The following TMEM132B variants were observed in gnomAD, a reference collection of about 807,000 sequenced individuals.
The protein encoded by TMEM132B is transmembrane protein 132B.
Under a neutral mutation model 90.8 loss-of-function variants are expected in TMEM132B, and 18 were observed. The ratio of observed to expected loss-of-function variants is 0.20; its 90% CI spans 0.14 to 0.29. TMEM132B has a LOEUF of 0.29. Among genes scored for constraint, TMEM132B ranks in the 10% least tolerant of loss-of-function variants. The probability of loss-of-function intolerance (pLI) is 1.00; values close to 1 mark genes in which losing one functional copy is unlikely to be tolerated. For synonymous variants in TMEM132B, 504 were observed against 523.3 expected, an observed-to-expected ratio of 0.96 and a Z score of 0.50; for missense variants, 1,096 against 1,326.8, an observed-to-expected ratio of 0.83 and a Z score of 2.70.
chr12:125,372,117 C>T (rs1428851628), intron 2 of TMEM132B, among the ~76,000 whole-genome samples: 2 of 152,192 alleles, frequency 1.3e-5, no homozygotes, highest in Non-Finnish European at 2.9e-5. Context: ...GCAAGAAATT[C>T]AACATGTGCT....
intron 1 of TMEM132B, among the ~76,000 whole-genome samples, chr12:125,217,624 G>T (rs1873466814): frequency 6.6e-6 from 1 of 152,028 alleles, no homozygotes; most frequent in Non-Finnish European, 1.5e-5. Flanking sequence ...TTAAAACAAT[G>T]TTTTTTTATG....
chr12:125,621,901 C>T (rs548884491), intron 5 of TMEM132B, among the ~76,000 whole-genome samples: 5 of 152,244 alleles, frequency 3.3e-5, no homozygotes, highest in African/African-American at 4.8e-5. Context: ...CCCAAAGACA[C>T]GCTCTATTTG....
At chr12:125,464,103 G>T (rs1881505127) in intron 3 of TMEM132B, among the ~76,000 whole-genome samples, 1 of 152,116 alleles carries the variant, frequency 6.6e-6, no homozygotes, top group African/African-American at 2.4e-5. Flanking sequence ...ATGAGATTTT[G>T]GTGGGGACAC....
chr12:125,595,338 T>C (rs903282777), intron 5 of TMEM132B, among the ~76,000 whole-genome samples: 1 of 152,194 alleles, frequency 6.6e-6, no homozygotes, highest in Non-Finnish European at 1.5e-5. Context: ...TTAATGTCGC[T>C]GCTCATGGAA....
intron 2 of TMEM132B, among the ~76,000 whole-genome samples, chr12:125,359,578 G>A (rs751414583): frequency 7.9e-5 from 12 of 152,156 alleles, no homozygotes; most frequent in Non-Finnish European, 1.6e-4. Flanking sequence ...AAGACCATGA[G>A]CTTCCTAAAA....
chr12:125,346,766 C>T lies in TMEM132B; in HGVS notation c.68-2686C>T, dbSNP rs547148177. Among the ~76,000 whole-genome samples, 14 of 152,286 alleles carry T rather than the reference C, an allele frequency of 9.2e-5. No individual in the cohort carries two copies. The South Asian group carries it at 2.7e-3, about 29-fold the overall frequency. ...GTATGGACATCATTCTGGAGGAAAC[C>T]CAGGTCTATACTATGGAAGGGACTA... On this transcript the variant is annotated intron_variant, in intron 1 of 8. Coordinates refer to ENST00000682704, the MANE Select transcript of TMEM132B (RefSeq NM_001366854.1).
intron 4 of TMEM132B, among the ~76,000 whole-genome samples, chr12:125,536,574 A>G (rs954769527): frequency 3.3e-5 from 5 of 152,220 alleles, no homozygotes; most frequent in Non-Finnish European, 7.3e-5. Context: ...AGGATTAAAC[A>G]AGTTAATATA....
At position 125,305,912 on chromosome 12, in the gene TMEM132B, C is replaced by T. The variant is rs749207923; in HGVS notation, c.68-43540C>T. Among the ~76,000 whole-genome samples, 11 of 152,160 alleles carry T rather than the reference C, an allele frequency of 7.2e-5. No individual in the cohort carries two copies. The East Asian group carries it at 1.2e-3, about 16-fold the overall frequency. On this transcript the variant is annotated intron_variant, in intron 1 of 8. Transcript: ENST00000682704. ...AGATCATGCTAGGTTATTTTGTCTG[C>T]GAGATCCTTGTAATGAGCTTTTTGG...
At chr12:125,293,852 C>G (rs144213495) in intron 1 of TMEM132B, among the ~76,000 whole-genome samples, 1 of 152,170 alleles carries the variant, frequency 6.6e-6, no homozygotes. Context: ...GGCTTGTAAC[C>G]GCTCTGAACT....
chr12:125,478,790 AC>A (rs1881960159), intron 3 of TMEM132B, among the ~76,000 whole-genome samples: 1 of 152,188 alleles, frequency 6.6e-6, no homozygotes, highest in African/African-American at 2.4e-5. Flanking sequence ...GAGAAGAGCA[AC>A]CCCAAGACAC....
intron 2 of TMEM132B, among the ~76,000 whole-genome samples, chr12:125,381,132 C>T (rs1057428614): frequency 6.6e-6 from 1 of 152,176 alleles, no homozygotes; most frequent in African/African-American, 2.4e-5. Context: ...TGTGGAGTTA[C>T]AGGCACGGTG....
At chr12:125,622,873 TC>T (rs2136973559) in intron 5 of TMEM132B, among the ~76,000 whole-genome samples, 1 of 152,318 alleles carries the variant, frequency 6.6e-6, no homozygotes, top group South Asian at 2.1e-4. Flanking sequence ...ACATTTCTTT[TC>T]TAAAATAAAT....
Position 125,655,784 on chromosome 12 carries a change from A to G in TMEM132B, c.*1074A>G, listed in dbSNP as rs1312507804. ...CAGATTACACTTTCCATTTTACCAG[A>G]ACAAAAGTTTTTTTTTTTTTAAATA... On this transcript the variant is annotated 3_prime_UTR_variant, in exon 9 of 9. Transcript: ENST00000682704. The G allele has an allele frequency of 6.7e-6, 1 of 148,484 alleles. No homozygotes were observed. Among genetic ancestry groups the G allele is most frequent in the African/African-American group, 2.5e-5 (1 of 40,114 alleles). 9.2% of individuals were successfully genotyped at this position (148,484 alleles called of 1,614,324 possible).
At chr12:125,420,382 C>T (rs761528001) in intron 3 of TMEM132B, among the ~76,000 whole-genome samples, 65 of 152,376 alleles carry the variant, frequency 4.3e-4, no homozygotes, top group Non-Finnish European at 8.2e-4. Context: ...TCAGGCCCAA[C>T]ACCACATGTA....
intron 1 of TMEM132B, among the ~76,000 whole-genome samples, chr12:125,303,260 T>C (rs759561259): frequency 2.6e-5 from 4 of 152,254 alleles, no homozygotes; most frequent in Non-Finnish European, 5.9e-5. Context: ...TGTCCTTTAG[T>C]GTCCGGCTTC....
chr12:125,191,525 G>A (rs751747830), intron 1 of TMEM132B, among the ~76,000 whole-genome samples: 31 of 152,180 alleles, frequency 2.0e-4, no homozygotes, highest in Non-Finnish European at 4.3e-4. Flanking sequence ...GAATGGTGTG[G>A]CCCGGCCTCT....
intron 6 of TMEM132B, 132 bp downstream of exon 6, chr12:125,644,413 G>A: frequency 1.1e-6 from 1 of 887,622 alleles, no homozygotes. Context: ...TCTGGGCTTT[G>A]GGTTCAGATG....
At chr12:125,597,279 A>T (rs1265624120) in intron 5 of TMEM132B, among the ~76,000 whole-genome samples, 1 of 152,172 alleles carries the variant, frequency 6.6e-6, no homozygotes, top group Non-Finnish European at 1.5e-5. Flanking sequence ...AAAAATTGAT[A>T]AAAAACCCAC....
At chr12:125,241,331 T>G (rs1438849711) in intron 1 of TMEM132B, among the ~76,000 whole-genome samples, 1 of 152,176 alleles carries the variant, frequency 6.6e-6, no homozygotes, top group African/African-American at 2.4e-5. Context: ...TACCTGTGCT[T>G]CTCTTGGAGG....
Sources: gnomAD v4.1 joint callset for allele counts (sites outside exome capture counted in the v4.1 genomes callset) on GRCh38, gnomAD v4.1.1 for gene constraint, MANE v1.5 for transcripts, NCBI Gene and HGNC (gene_info 2026-07-23, HGNC 2026-07-21) for gene names.